The following ARHGAP25 variants were observed in gnomAD, a reference collection of about 807,000 sequenced individuals.
ARHGAP25 encodes Rho GTPase activating protein 25.
In ARHGAP25, 34 loss-of-function variants were observed where a neutral mutation model predicts 71.0. That is an observed-to-expected ratio of 0.48 (90% confidence interval 0.36 to 0.64). The LOEUF (loss-of-function observed/expected upper bound fraction) is 0.64, where lower values mean the gene tolerates loss of function less well. Among genes scored for constraint, ARHGAP25 ranks in the 30% least tolerant of loss-of-function variants. The probability of loss-of-function intolerance (pLI) is 0.00; values close to 1 mark genes in which losing one functional copy is unlikely to be tolerated. For missense variants in ARHGAP25, 706 were observed against 805.1 expected (o/e 0.88, Z 1.49); for synonymous variants, 282 against 296.5 (o/e 0.95, Z 0.50).
At chr2:68,741,485 G>A (rs560833858) in intron 1 of ARHGAP25, among the ~76,000 whole-genome samples, 2 of 152,282 alleles carry the variant, frequency 1.3e-5, no homozygotes, top group East Asian at 3.9e-4. Context: ...AACTTCTAAC[G>A]CCCATTTGAT....
chr2:68,721,176 A>G (rs1674753174), intron 2 of ARHGAP25, among the ~76,000 whole-genome samples: 1 of 152,206 alleles, frequency 6.6e-6, no homozygotes, highest in Non-Finnish European at 1.5e-5. Context: ...TTCTGAACAA[A>G]GCTTTTTTGC....
chr2:68,716,883 A>C (rs1366844472), intron 2 of ARHGAP25, among the ~76,000 whole-genome samples: 2 of 152,220 alleles, frequency 1.3e-5, no homozygotes, highest in South Asian at 2.1e-4. Flanking sequence ...TGTAGATTCT[A>C]TCTCTCTTTA....
At chr2:68,764,367 C>T (rs112496634) in intron 1 of ARHGAP25, among the ~76,000 whole-genome samples, 52 of 152,120 alleles carry the variant, frequency 3.4e-4, no homozygotes, top group African/African-American at 1.2e-3. Flanking sequence ...CTTCACATCC[C>T]CTGAATAGAT....
chr2:68,721,715 G>C (rs1323660581), intron 2 of ARHGAP25, among the ~76,000 whole-genome samples: 1 of 152,212 alleles, frequency 6.6e-6, no homozygotes, highest in East Asian at 1.9e-4. Flanking sequence ...AGTAGAAGCT[G>C]GGTGGTGGAG....
chr2:68,778,824 G>A (rs531818631), intron 2 of ARHGAP25, among the ~76,000 whole-genome samples: 2 of 152,328 alleles, frequency 1.3e-5, no homozygotes, highest in Admixed American at 6.5e-5. Flanking sequence ...TTATGGAGCC[G>A]TGTATGATAG....
intron 1 of ARHGAP25, among the ~76,000 whole-genome samples, chr2:68,768,100 T>A (rs1050477653): frequency 6.6e-6 from 1 of 152,220 alleles, no homozygotes; most frequent in Non-Finnish European, 1.5e-5. Context: ...GAAATCAGAT[T>A]TCTAGTTGTT....
intron 1 of ARHGAP25, among the ~76,000 whole-genome samples, chr2:68,741,367 A>G (rs1213354370): frequency 2.6e-5 from 4 of 152,154 alleles, no homozygotes; most frequent in Admixed American, 1.3e-4. Context: ...GTCTTCTTTG[A>G]GGGACTGCAG....
upstream of ARHGAP25, among the ~76,000 whole-genome samples, chr2:68,733,523 A>G (rs545240896): frequency 2.6e-5 from 4 of 152,324 alleles, no homozygotes; most frequent in African/African-American, 9.6e-5. Flanking sequence ...GTAAGTTTGA[A>G]CGCTGACAGG....
intron 1 of ARHGAP25, among the ~76,000 whole-genome samples, chr2:68,769,416 AG>A (rs1449067852): frequency 1.3e-5 from 2 of 152,128 alleles, no homozygotes; most frequent in Admixed American, 1.3e-4. Context: ...AGCTTTACAG[AG>A]GAGGAAACTG....
chr2:68,816,506 G>A (rs1267705430), intron 7 of ARHGAP25, 144 bp downstream of exon 7: 4 of 658,920 alleles, frequency 6.1e-6, no homozygotes, highest in Non-Finnish European at 5.2e-6. Flanking sequence ...TAGCACTGAA[G>A]TAGCTTCCTG....
chr2:68,724,985 A>G (rs1458677277), intron 2 of ARHGAP25, among the ~76,000 whole-genome samples: 1 of 152,206 alleles, frequency 6.6e-6, no homozygotes, highest in Non-Finnish European at 1.5e-5. Context: ...TACAATTTAG[A>G]AAAACATCAC....
At chr2:68,728,204 A>C (rs1157509567) in intron 2 of ARHGAP25, among the ~76,000 whole-genome samples, 2 of 152,226 alleles carry the variant, frequency 1.3e-5, no homozygotes, top group Non-Finnish European at 2.9e-5. Context: ...AAACCAGCCA[A>C]TAAGCAAATG....
intron 2 of ARHGAP25, 65 bp from the exon 3 acceptor site, chr2:68,782,168 C>G (rs1243725378): frequency 2.1e-6 from 3 of 1,416,776 alleles, no homozygotes; most frequent in Non-Finnish European, 3.0e-6. Context: ...TATCTGTTGT[C>G]CAACCCAATT....
At chr2:68,775,818 G>C (rs1158469384) in intron 2 of ARHGAP25, 8 of 389,132 alleles carry the variant, frequency 2.1e-5, no homozygotes, top group African/African-American at 4.2e-5. Context: ...ACTGTTCTAG[G>C]TACTTGAAAT....
chr2:68,743,706 A>C (rs1008985233), intron 1 of ARHGAP25, among the ~76,000 whole-genome samples: 12 of 152,074 alleles, frequency 7.9e-5, no homozygotes, highest in African/African-American at 2.4e-4. Flanking sequence ...TCCTGAGACC[A>C]ATCTGTTTGA....
Position 68,712,064 on chromosome 2 carries a change from G to A in ARHGAP25, c.-18+1366G>A, listed in dbSNP as rs59749119. On this transcript the variant is annotated intron_variant and NMD_transcript_variant, in intron 2 of 7. Transcript: ENST00000463483. ...AATCCTGGGTCAAATGGTATTTCTG[G>A]TTCTAGATCCTTGAGGAATTTCCAC... 3.9e-3 allele frequency among the ~76,000 whole-genome samples: 599 copies of A among 152,206 alleles called. 2 individuals carry two copies. The highest frequency in any genetic ancestry group is 0.014 in the African/African-American group (577 of 41,532).
chr2:68,784,171 CTCTT>C (rs1678562311), intron 3 of ARHGAP25, among the ~76,000 whole-genome samples: 1 of 151,882 alleles, frequency 6.6e-6, no homozygotes, highest in Non-Finnish European at 1.5e-5. Flanking sequence ...CTCTCTCTCT[CTCTT>C]TCTCTCTCTC....
chr2:68,816,257 T>G, intron 6 of ARHGAP25, 32 bp from the exon 7 acceptor site: 1 of 1,586,348 alleles, frequency 6.3e-7, no homozygotes, highest in Non-Finnish European at 8.7e-7. Flanking sequence ...CATTTACTGG[T>G]AAATGATTTA....
At chr2:68,813,257 T>A in intron 5 of ARHGAP25, 30 bp from the exon 6 acceptor site, 1 of 1,586,398 alleles carries the variant, frequency 6.3e-7, no homozygotes, top group East Asian at 2.3e-5. Context: ...TTTCAAAGAG[T>A]TTCACAGAGC....
Sources: gnomAD v4.1 joint callset for allele counts (sites outside exome capture counted in the v4.1 genomes callset) on GRCh38, gnomAD v4.1.1 for gene constraint, MANE v1.5 for transcripts, NCBI Gene and HGNC (gene_info 2026-07-23, HGNC 2026-07-21) for gene names.